Variants in ANTXR2 observed in about 807,000 individuals in gnomAD.
ANTXR2 encodes ANTXR cell adhesion molecule 2.
ANTXR2 carries 44 observed loss-of-function variants against 73.7 expected under a neutral mutation model. The observed-to-expected ratio is 0.60, with a 90% CI of 0.47 to 0.77. The LOEUF (loss-of-function observed/expected upper bound fraction) is 0.77. Ranked by LOEUF, ANTXR2 falls within the 30% of genes least tolerant of loss-of-function variation. ANTXR2 has a pLI of 0.00. For synonymous variants in ANTXR2, 217 were observed against 205.9 expected, an observed-to-expected ratio of 1.05 and a Z score of -0.46; for missense variants, 604 against 592.5, an observed-to-expected ratio of 1.02 and a Z score of -0.20.
At chr4:80,003,578 A>G (rs1411011226) in intron 12 of ANTXR2, among the ~76,000 whole-genome samples, 3 of 152,042 alleles carry the variant, frequency 2.0e-5, no homozygotes, top group African/African-American at 4.8e-5. Context: ...AAAATAAAAT[A>G]AAATAAAAAG....
At chr4:79,933,716 A>C (rs1041628352) in intron 16 of ANTXR2, among the ~76,000 whole-genome samples, 2 of 63,580 alleles carry the variant, frequency 3.1e-5, no homozygotes, top group Admixed American at 2.5e-4. Context: ...CCCACCCCAC[A>C]ACAGGCCCTG....
intron 14 of ANTXR2, among the ~76,000 whole-genome samples, chr4:79,983,066 G>T (rs1729958450): frequency 6.6e-6 from 1 of 151,972 alleles, no homozygotes. Flanking sequence ...GTGCAACAAT[G>T]GTAAAATGCA....
intron 10 of ANTXR2, among the ~76,000 whole-genome samples, chr4:80,029,116 T>TA (rs1255306439): frequency 1.3e-5 from 2 of 152,126 alleles, no homozygotes; most frequent in Non-Finnish European, 2.9e-5. Flanking sequence ...TATGTGTGAT[T>TA]AAAAAATGTA....
At chr4:79,987,496 C>T (rs1472335599) in intron 12 of ANTXR2, among the ~76,000 whole-genome samples, 1 of 152,044 alleles carries the variant, frequency 6.6e-6, no homozygotes, top group African/African-American at 2.4e-5. Context: ...AAGATCAAAC[C>T]TATGACTCAC....
At chr4:80,008,110 G>T (rs1008317975) in intron 12 of ANTXR2, among the ~76,000 whole-genome samples, 4 of 152,058 alleles carry the variant, frequency 2.6e-5, no homozygotes, top group African/African-American at 7.2e-5. Context: ...AAACAGAGAA[G>T]GTCATGAAAT....
intron 16 of ANTXR2, among the ~76,000 whole-genome samples, chr4:79,953,396 C>T (rs1048159744): frequency 6.6e-6 from 1 of 152,040 alleles, no homozygotes. Flanking sequence ...ACAGTAAATT[C>T]ACAGTAAATT....
intron 8 of ANTXR2, among the ~76,000 whole-genome samples, chr4:80,033,882 C>A (rs988257012): frequency 6.6e-6 from 1 of 152,002 alleles, no homozygotes; most frequent in East Asian, 1.9e-4. Flanking sequence ...AGATACTATA[C>A]AAACCTCCTC....
At chr4:79,934,049 T>C (rs1728165489) in intron 16 of ANTXR2, among the ~76,000 whole-genome samples, 1 of 152,032 alleles carries the variant, frequency 6.6e-6, no homozygotes, top group African/African-American at 2.4e-5. Flanking sequence ...ATTGTTTCTA[T>C]TGTTAGAAAC....
intron 3 of ANTXR2, among the ~76,000 whole-genome samples, chr4:80,058,683 A>AC (rs1427834214): frequency 6.6e-6 from 1 of 151,826 alleles, no homozygotes; most frequent in South Asian, 2.1e-4. Context: ...TAATGTTAAA[A>AC]AAAAAAGCCT....
chr4:79,990,383 C>CAAAAAAAAAAAAAAAAAA (rs70944757), intron 12 of ANTXR2, among the ~76,000 whole-genome samples: 4 of 76,934 alleles, frequency 5.2e-5, no homozygotes, highest in East Asian at 3.8e-4. Flanking sequence ...ACAACAGTTA[C>CAAAAAAAAAAAAAAAAAA]AAAAAAAAAA....
rs763600780 is a variant in ANTXR2 at position 80,056,493 on chromosome 4, T to TC, written c.297-481dup. Among the ~76,000 whole-genome samples, 66 of 152,064 alleles carry TC rather than the reference T, an allele frequency of 4.3e-4. No homozygotes were observed. The Middle Eastern group carries it at 0.01, about 24-fold the overall frequency. On this transcript the variant is annotated intron_variant, in intron 3 of 16. Coordinates refer to ENST00000403729, the MANE Select transcript of ANTXR2 (RefSeq NM_058172.6). The stretch of plus-strand genomic sequence containing the variant: ...CTTATTTACAGAAATTAACATTTTT[T>TC]CTTACTGTCTCCCAGAGTCGTAAGT...
chr4:79,977,975 T>C (rs1729709590), intron 15 of ANTXR2, 32 bp downstream of exon 15: 2 of 1,547,254 alleles, frequency 1.3e-6, no homozygotes, highest in Non-Finnish European at 1.7e-6. Context: ...CCAGAAGTTT[T>C]GAGTTAAATT....
chr4:79,964,019 C>A (rs968029230), intron 16 of ANTXR2, among the ~76,000 whole-genome samples: 5 of 152,096 alleles, frequency 3.3e-5, no homozygotes, highest in Non-Finnish European at 5.9e-5. Context: ...AAATTACATC[C>A]ATCGGCAAAG....
At chr4:79,908,006 G>A (rs1384044483) in intron 16 of ANTXR2, among the ~76,000 whole-genome samples, 1 of 152,128 alleles carries the variant, frequency 6.6e-6, no homozygotes, top group Admixed American at 6.6e-5. Context: ...CCACCATGAT[G>A]TGTTCATTTC....
chr4:79,926,912 T>TATATGTGTATATATACACATGTGC (rs1727812273), intron 16 of ANTXR2, among the ~76,000 whole-genome samples: 1 of 107,276 alleles, frequency 9.3e-6, no homozygotes, highest in African/African-American at 3.3e-5. Flanking sequence ...CATGTGTGCA[T>TATATGTGTATATATACACATGTGC]ATATGTGTAT....
At chr4:80,066,518 G>A (rs1323799659) in intron 3 of ANTXR2, among the ~76,000 whole-genome samples, 1 of 152,094 alleles carries the variant, frequency 6.6e-6, no homozygotes, top group African/African-American at 2.4e-5. Context: ...ATTCCTTTTG[G>A]AATATTATAA....
At chr4:80,025,473 A>C (rs959904425) in intron 10 of ANTXR2, among the ~76,000 whole-genome samples, 6 of 152,212 alleles carry the variant, frequency 3.9e-5, no homozygotes, top group African/African-American at 1.4e-4. Flanking sequence ...AGGATGAAAA[A>C]ATTAAATAAA....
intron 12 of ANTXR2, among the ~76,000 whole-genome samples, chr4:79,993,844 A>G (rs576303792): frequency 4.9e-4 from 74 of 151,798 alleles, no homozygotes; most frequent in African/African-American, 1.7e-3. Context: ...TAATTGCCAT[A>G]TATCTACTGA....
chr4:80,049,126 T>TAA (rs34198467), intron 7 of ANTXR2, among the ~76,000 whole-genome samples: 8 of 151,248 alleles, frequency 5.3e-5, no homozygotes, highest in East Asian at 3.9e-4. Flanking sequence ...GAGGTATTCT[T>TAA]AAAAAAAATG....
Sources: allele counts gnomAD v4.1 joint callset (sites outside exome capture counted in the v4.1 genomes callset), GRCh38; gene constraint gnomAD v4.1.1; transcripts MANE v1.5; gene names NCBI Gene and HGNC (gene_info 2026-07-23, HGNC 2026-07-21).